The following B3GAT3 variants were observed in gnomAD, a reference collection of about 807,000 sequenced individuals.
B3GAT3 encodes the protein beta-1,3-glucuronyltransferase 3.
A neutral mutation model predicts 33.1 loss-of-function variants in B3GAT3; 19 were observed. That is an observed-to-expected ratio of 0.57 (90% confidence interval 0.40 to 0.84). B3GAT3 has a LOEUF of 0.84. B3GAT3 is among the 40% of genes least tolerant of loss of function. B3GAT3 has a pLI of 0.00. For synonymous variants in B3GAT3, 167 were observed against 193.5 expected (o/e 0.86, Z 1.14); for missense variants, 344 against 441.5 (o/e 0.78, Z 1.98).
chr11:62,617,249 G>C lies in B3GAT3; in HGVS notation c.356C>G (p.Pro119Arg). ...GGCAGCCAGCAGCCCTGAGACCAGC[G>C]GGGTGGGACCCTCAGCATCCTCCAC... The part of the protein sequence containing the change: ...LLVEDAEGPT[P>R]LVSGLLAASG... The change falls in exon 3 of 5, where the codon CCG (proline) becomes CGG (arginine). Residue 119 changes from proline (P) to arginine (R), a missense_variant. Coordinates refer to ENST00000265471, the MANE Select transcript of B3GAT3 (RefSeq NM_012200.4). 1 of 1,613,216 alleles carries C rather than the reference G, an allele frequency of 6.2e-7. No individual in the cohort carries two copies. The highest frequency in any genetic ancestry group is 8.5e-7 in the Non-Finnish European group (1 of 1,179,838).
At chr11:62,617,794 T>C (rs1466165784) in intron 2 of B3GAT3, among the ~76,000 whole-genome samples, 2 of 151,384 alleles carry the variant, frequency 1.3e-5, no homozygotes, top group Non-Finnish European at 2.9e-5. Context: ...GGAGAATCGC[T>C]TGAACCTGGA....
rs1368009491 is a variant in B3GAT3 at position 62,615,628 on chromosome 11, C to G, written c.*73G>C. 6.4e-7 allele frequency: 1 copy of G among 1,563,412 alleles called. No individual in the cohort carries two copies. Among genetic ancestry groups the G allele is most frequent in the African/African-American group, 1.3e-5 (1 of 74,164 alleles). Reference sequence around the variant, plus strand: ...AGGGTCAGGACTTGGAAAACCACATCCTGGGCAGGCCTGGGGCCCAGTCCC... The same window carrying G: ...AGGGTCAGGACTTGGAAAACCACATGCTGGGCAGGCCTGGGGCCCAGTCCC... On this transcript the variant is annotated 3_prime_UTR_variant, in exon 5 of 5. Transcript: ENST00000265471.
In B3GAT3 at chr11:62,617,092, T is replaced by C; in HGVS notation, c.513A>G (p.Arg171=). The change falls in exon 3 of 5, where the codon AGA becomes AGG. Residue 171 remains arginine, a synonymous_variant. Transcript: ENST00000265471. Reference sequence around the variant, plus strand: ...CCTTCTCCCCACCCACAGCACCCCCTCTGCCCCGGAGCCAGTCCAGGGCCT... The same window carrying C: ...CCTTCTCCCCACCCACAGCACCCCCCCTGCCCCGGAGCCAGTCCAGGGCCT... ...RNKALDWLRG[R]GGAVGGEKDP... The C allele has an allele frequency of 6.2e-7, 1 of 1,614,024 alleles. No individual in the cohort carries two copies. The highest frequency in any genetic ancestry group is 1.1e-5 in the South Asian group (1 of 91,080).
intron 1 of B3GAT3, chr11:62,621,363 A>T (rs1361993464): frequency 2.2e-6 from 1 of 455,568 alleles, no homozygotes; most frequent in African/African-American, 2.0e-5. Context: ...TAATCAGGAT[A>T]GAGAATAAAA....
chr11:62,617,871 C>T (rs1943064648), intron 2 of B3GAT3, among the ~76,000 whole-genome samples: 1 of 145,448 alleles, frequency 6.9e-6, no homozygotes, highest in African/African-American at 2.6e-5. Context: ...CAGCAAAACT[C>T]CATCTCAAAA....
At chr11:62,617,957 C>T (rs928670357) in intron 2 of B3GAT3, among the ~76,000 whole-genome samples, 5 of 151,724 alleles carry the variant, frequency 3.3e-5, no homozygotes, top group Middle Eastern at 3.4e-3. Context: ...GGGCGGATCA[C>T]CTGAGGTTAG....
intron 4 of B3GAT3, 106 bp from the exon 5 acceptor site, chr11:62,615,905 G>T: frequency 1.9e-6 from 3 of 1,542,152 alleles, no homozygotes; most frequent in Non-Finnish European, 2.6e-6. Context: ...TACAGTATAG[G>T]CTTCAAAGTG....
chr11:62,618,479 G>A (rs1425262672), intron 2 of B3GAT3, among the ~76,000 whole-genome samples: 1 of 151,622 alleles, frequency 6.6e-6, no homozygotes, highest in Non-Finnish European at 1.5e-5. Flanking sequence ...TGGCTAACAC[G>A]GTGAAACCCC....
At chr11:62,620,719 C>T (rs775694547) in intron 1 of B3GAT3, 48 bp from the exon 2 acceptor site, 10 of 1,566,000 alleles carry the variant, frequency 6.4e-6, no homozygotes, top group Non-Finnish European at 7.9e-6. Flanking sequence ...GACAGAGAAC[C>T]GCAGAATGTT....
Position 62,621,879 on chromosome 11 carries a change from C to A in B3GAT3, c.69G>T (p.Ala23=), listed in dbSNP as rs368059446. 31 of 1,612,428 alleles carry A rather than the reference C, an allele frequency of 1.9e-5. No homozygotes were observed. Among genetic ancestry groups the A allele is most frequent in the Non-Finnish European group, 2.6e-5 (31 of 1,179,240 alleles). The change falls in exon 1 of 5, where the codon GCG becomes GCT. Residue 23 remains alanine (A), a synonymous_variant. Transcript: ENST00000265471. ...FLVSIAGLLY[A]LVQLGQPCDC... ...CGCCCCGCTCACCGAGCTGTACCAGCGCGTAGAGGAGGCCGGCGATCGACA... is the reference window on the plus strand; with the variant it reads ...CGCCCCGCTCACCGAGCTGTACCAGAGCGTAGAGGAGGCCGGCGATCGACA...
At position 62,615,781 on chromosome 11, in the gene B3GAT3, G is replaced by A. The variant is rs868665260; in HGVS notation, c.928C>T (p.Arg310Trp). Reference protein sequence around the residue: ...NCTRVLVWHTRTEKPKMKQEE... With the variant: ...NCTRVLVWHTWTEKPKMKQEE... ...TGCTTCATCTTGGGCTTCTCTGTCC[G>A]AGTATGCCACACCAGTACCTGTGCC... The change falls in exon 5 of 5, where the codon CGG becomes TGG. Residue 310 changes from arginine (R) to tryptophan (W), a missense_variant. By Grantham distance (101) the Arg-to-Trp change is moderately radical (BLOSUM62 -3). Coordinates refer to ENST00000265471, the MANE Select transcript of B3GAT3 (RefSeq NM_012200.4). 6.2e-7 allele frequency: 1 copy of A among 1,613,862 alleles called. No homozygotes were observed. Among genetic ancestry groups the A allele is most frequent in the South Asian group, 1.1e-5 (1 of 91,060 alleles).
rs1313203848 is a variant in B3GAT3, at chr11:62,620,462, C to T, written c.257+35G>A. On this transcript the variant is annotated intron_variant, in intron 2 of 4. Coordinates refer to ENST00000265471, the MANE Select transcript of B3GAT3 (RefSeq NM_012200.4). ...TCATCATCAACTCCAACTTCTTGGA[C>T]AACGCAGACCTCTTGAGTGCACCAG... is the stretch of plus-strand genomic sequence containing the variant. 3 of 1,604,918 alleles carry T rather than the reference C, an allele frequency of 1.9e-6. No individual in the cohort carries two copies. The South Asian group carries it at 3.3e-5, about 18-fold the overall frequency.
chr11:62,621,214 G>A (rs1458617683), intron 1 of B3GAT3: 2 of 456,440 alleles, frequency 4.4e-6, no homozygotes, highest in Admixed American at 2.3e-5. Flanking sequence ...ACTGCCTTAG[G>A]TGCTGGGGAT....
At chr11:62,619,485 TGTAA>T (rs969794304) in intron 2 of B3GAT3, among the ~76,000 whole-genome samples, 19 of 151,928 alleles carry the variant, frequency 1.3e-4, no homozygotes, top group Non-Finnish European at 8.8e-5. Flanking sequence ...GTAAACACAC[TGTAA>T]GTAACAGCTG....
chr11:62,618,810 C>T (rs973444683), intron 2 of B3GAT3, among the ~76,000 whole-genome samples: 1 of 151,838 alleles, frequency 6.6e-6, no homozygotes, highest in African/African-American at 2.4e-5. Context: ...GGTGAAACCC[C>T]ATCTCTACTA....
In B3GAT3 at chr11:62,617,264, G is replaced by C. The variant is rs1276356103; in HGVS notation, c.341C>G (p.Ala114Gly). 2 of 1,612,926 alleles carry C rather than the reference G, an allele frequency of 1.2e-6. No individual in the cohort carries two copies. Among genetic ancestry groups the C allele is most frequent in the Non-Finnish European group, 1.7e-6 (2 of 1,179,886 alleles). Residue 114 changes from alanine (A) to glycine (G), a missense_variant, in exon 3 of 5, where the codon GCT becomes GGT. Ala to Gly is a moderately conservative substitution (Grantham distance 60, BLOSUM62 0). Coordinates refer to ENST00000265471, the MANE Select transcript of B3GAT3 (RefSeq NM_012200.4). Reference protein sequence around the residue: ...PRLHWLLVEDAEGPTPLVSGL... With the variant: ...PRLHWLLVEDGEGPTPLVSGL... ...TGAGACCAGCGGGGTGGGACCCTCA[G>C]CATCCTCCACCAGCAGCCAATGCAG... is the stretch of plus-strand genomic sequence containing the variant.
rs373009938 is a variant in B3GAT3, at chr11:62,619,075, C to T, written c.257+1422G>A. Reference sequence around the variant, plus strand: ...CTGAGGCAGGAGAATCGCTTGAACCCGGGAGGTGGAGGTTGCAGTGAGCCA... The same window carrying T: ...CTGAGGCAGGAGAATCGCTTGAACCTGGGAGGTGGAGGTTGCAGTGAGCCA... On this transcript the variant is annotated intron_variant, in intron 2 of 4. Transcript: ENST00000265471. Among the ~76,000 whole-genome samples the T allele has an allele frequency of 3.8e-4, 58 of 151,780 alleles. No homozygotes were observed. In the South Asian group the frequency reaches 7.3e-3, roughly 19 times the overall value.
chr11:62,616,242 T>TCA lies in B3GAT3; in HGVS notation c.909+263_909+264insTG, dbSNP rs759448109. 2.7e-3 allele frequency: 1,266 copies of TCA among 468,450 alleles called. 1 individual carries two copies. Among genetic ancestry groups the TCA allele is most frequent in the East Asian group, 4.2e-3 (108 of 25,706 alleles). 29.0% of individuals were successfully genotyped at this position (468,450 alleles called of 1,614,324 possible). On this transcript the variant is annotated intron_variant, in intron 4 of 4. Transcript: ENST00000265471. ...CTGGGTGACACAGCGAGACTCTGTC[T>TCA]GAAAAAAAAAAAAAAACAACAAACA... is the stretch of plus-strand genomic sequence containing the variant.
chr11:62,617,657 C>T (rs977481072), intron 2 of B3GAT3, among the ~76,000 whole-genome samples: 6 of 151,676 alleles, frequency 4.0e-5, no homozygotes, highest in Admixed American at 3.3e-4. Flanking sequence ...GGTGAATTAC[C>T]TGAGGTCTGG....
Sources: allele counts gnomAD v4.1 joint callset (sites outside exome capture counted in the v4.1 genomes callset), GRCh38; gene constraint gnomAD v4.1.1; transcripts MANE v1.5; gene names NCBI Gene and HGNC (gene_info 2026-07-23, HGNC 2026-07-21).